FER1L6: variants seen among roughly 807,000 people sequenced by gnomAD.
FER1L6 encodes the protein fer-1 like family member 6.
In FER1L6, 177 loss-of-function variants were observed where a neutral mutation model predicts 219.2. That is an observed-to-expected ratio of 0.81 (90% CI 0.71 to 0.91). The LOEUF (loss-of-function observed/expected upper bound fraction) is 0.91. FER1L6 is among the 40% of genes least tolerant of loss of function. The pLI, the probability that FER1L6 is intolerant of heterozygous loss-of-function variation, is 0.00. For synonymous variants in FER1L6, 768 were observed against 824.3 expected, an observed-to-expected ratio of 0.93 and a Z score of 1.17; for missense variants, 2,153 against 2,259.9, an observed-to-expected ratio of 0.95 and a Z score of 0.96.
intron 1 of FER1L6, among the ~76,000 whole-genome samples, chr8:123,921,276 G>T (rs186422623): frequency 6.6e-6 from 1 of 152,142 alleles, no homozygotes; most frequent in Admixed American, 6.5e-5. Flanking sequence ...GTTTCCTAAA[G>T]TGTCTGTACC....
At chr8:124,017,748 A>G in intron 16 of FER1L6, 30 bp downstream of exon 16, 2 of 1,578,404 alleles carry the variant, frequency 1.3e-6, no homozygotes, top group Non-Finnish European at 1.7e-6. Context: ...TACTTTGTGG[A>G]CAGAGTTAAA....
In FER1L6 at chr8:124,023,452, C is replaced by T. The variant is rs1818553436; in HGVS notation, c.2142C>T (p.His714=). 5 of 1,614,000 alleles carry T rather than the reference C, an allele frequency of 3.1e-6. No homozygotes were observed. Among genetic ancestry groups the T allele is most frequent in the African/African-American group, 1.3e-5 (1 of 75,032 alleles). Residue 714 remains histidine (H), a synonymous_variant, in exon 18 of 41, where the codon CAC becomes CAT. Coordinates refer to ENST00000522917, the MANE Select transcript of FER1L6 (RefSeq NM_001039112.2). ...TCCCTCTATTCCCACAGCCCCAGCA[C>T]ACTATCCCTGACGTTTTCATCTGGA... ...KIRFLVDEPQ[H]TIPDVFIWML...
chr8:123,930,426 C>A (rs1172222055), intron 1 of FER1L6, among the ~76,000 whole-genome samples: 2 of 152,038 alleles, frequency 1.3e-5, no homozygotes, highest in Admixed American at 6.6e-5. Context: ...AATGAATTAA[C>A]AGTGCCATAA....
At position 124,060,202 on chromosome 8, in the gene FER1L6, G is replaced by T; in HGVS notation, c.2897G>T (p.Gly966Val). The change falls in exon 23 of 41, where the codon GGC (glycine) becomes GTC (valine). Residue 966 changes from glycine to valine, a missense_variant. By Grantham distance (109) the Gly-to-Val change is moderately radical. Coordinates refer to ENST00000522917, the MANE Select transcript of FER1L6 (RefSeq NM_001039112.2). ...LLQVPPSGLQ[G>V]LPPVEPPDIT... ...TAGGTTCCTCCTTCTGGGCTGCAAG[G>T]CCTCCCACCCGTTGAGCCACCAGAC... The T allele has an allele frequency of 6.2e-7, 1 of 1,614,038 alleles. No homozygotes were observed. Among genetic ancestry groups the T allele is most frequent in the African/African-American group, 1.3e-5 (1 of 74,978 alleles).
At chr8:123,910,458 AC>A (rs1346345284) in intron 1 of FER1L6, among the ~76,000 whole-genome samples, 1 of 152,132 alleles carries the variant, frequency 6.6e-6, no homozygotes, top group Non-Finnish European at 1.5e-5. Context: ...TGGGTCAAGA[AC>A]CATCTTTCAG....
chr8:124,034,612 A>G (rs1485630753), intron 18 of FER1L6, among the ~76,000 whole-genome samples: 1 of 152,242 alleles, frequency 6.6e-6, no homozygotes, highest in Non-Finnish European at 1.5e-5. Context: ...GAGAGAGCAG[A>G]GCAGTAAGGG....
intron 2 of FER1L6, among the ~76,000 whole-genome samples, chr8:123,957,705 A>G (rs1268638876): frequency 6.6e-6 from 1 of 152,138 alleles, no homozygotes; most frequent in Non-Finnish European, 1.5e-5. Flanking sequence ...CCTCCAGTTA[A>G]CAGCCCTCCC....
intron 22 of FER1L6, among the ~76,000 whole-genome samples, chr8:124,053,024 G>T (rs910808003): frequency 9.2e-5 from 14 of 152,190 alleles, no homozygotes; most frequent in Non-Finnish European, 1.8e-4. Context: ...TTGGGAAAAT[G>T]AGATCTAGTC....
At chr8:124,083,359 T>C (rs1821653829) in intron 33 of FER1L6, among the ~76,000 whole-genome samples, 1 of 152,170 alleles carries the variant, frequency 6.6e-6, no homozygotes, top group South Asian at 2.1e-4. Context: ...GGTTTATTTT[T>C]CTTAACCTAA....
At position 123,970,018 on chromosome 8, in the gene FER1L6, A is replaced by T; in HGVS notation, c.385-17A>T. 6.2e-7 allele frequency: 1 copy of T among 1,612,858 alleles called. No homozygotes were observed. Among genetic ancestry groups the T allele is most frequent in the African/African-American group, 1.3e-5 (1 of 75,040 alleles). ...AAGTCTGGGGTTGATGACCAGAATGAACTTTTTGTTTTGCAGTACTTTGTC... is the reference window on the plus strand; with the variant it reads ...AAGTCTGGGGTTGATGACCAGAATGTACTTTTTGTTTTGCAGTACTTTGTC... On this transcript the variant is annotated splice_polypyrimidine_tract_variant and intron_variant, in intron 5 of 40. Coordinates refer to ENST00000522917, the MANE Select transcript of FER1L6 (RefSeq NM_001039112.2).
intron 17 of FER1L6, 152 bp from the exon 18 acceptor site, chr8:124,023,292 A>T: frequency 1.4e-6 from 1 of 728,128 alleles, no homozygotes; most frequent in Non-Finnish European, 2.2e-6. Flanking sequence ...TTGATGGCAT[A>T]GATGTTTCAG....
intron 1 of FER1L6, among the ~76,000 whole-genome samples, chr8:123,858,795 A>T (rs990709676): frequency 1.3e-5 from 2 of 152,174 alleles, no homozygotes; most frequent in Non-Finnish European, 2.9e-5. Flanking sequence ...ATCAACCTTC[A>T]GAGTTTAGGA....
intron 1 of FER1L6, among the ~76,000 whole-genome samples, chr8:123,890,327 C>G (rs79700597): frequency 0.027 from 4,160 of 152,112 alleles, 190 homozygotes; most frequent in African/African-American, 0.095. Flanking sequence ...CTCTGGGTAA[C>G]ACTTTAGCCT....
intron 3 of FER1L6, 111 bp from the exon 4 acceptor site, chr8:123,965,896 A>G: frequency 1.0e-6 from 1 of 973,686 alleles, no homozygotes; most frequent in East Asian, 2.6e-5. Context: ...ATGTAGACAG[A>G]ATATGTAATA....
chr8:124,021,183 G>T (rs1183592956), intron 16 of FER1L6, among the ~76,000 whole-genome samples: 1 of 152,096 alleles, frequency 6.6e-6, no homozygotes, highest in Non-Finnish European at 1.5e-5. Context: ...CCTCCCACTG[G>T]GTCCCTCCTA....
chr8:124,087,780 A>G (rs1441684647), intron 33 of FER1L6, among the ~76,000 whole-genome samples: 1 of 152,214 alleles, frequency 6.6e-6, no homozygotes, highest in East Asian at 1.9e-4. Context: ...TGGTCACTGC[A>G]GCCATATCTG....
intron 22 of FER1L6, among the ~76,000 whole-genome samples, chr8:124,059,165 G>C (rs1820442166): frequency 6.6e-6 from 1 of 152,196 alleles, no homozygotes; most frequent in African/African-American, 2.4e-5. Context: ...CCTGTAAATT[G>C]TTCAGGCAGA....
rs1816521401 is a variant in FER1L6, at chr8:123,852,187, T to C, written c.-8+2T>C. ...TCGTGAAGGTGGACAAGGCATTTTGTAAGTCCATAGATAATAGATTCTACA... is the reference window on the plus strand; with the variant it reads ...TCGTGAAGGTGGACAAGGCATTTTGCAAGTCCATAGATAATAGATTCTACA... On this transcript the variant is annotated splice_donor_variant, in intron 1 of 40. Coordinates refer to ENST00000522917, the MANE Select transcript of FER1L6 (RefSeq NM_001039112.2). LOFTEE classifies it low-confidence loss of function (5UTR_SPLICE). This position sits in a 1 kb window ranked among gnomAD's most constrained non-coding sequence, Gnocchi z 4.9. 6.6e-6 allele frequency: 1 copy of C among 152,202 alleles called. No homozygotes were observed. The highest frequency in any genetic ancestry group is 1.5e-5 in the Non-Finnish European group (1 of 68,060). 9.4% of individuals were successfully genotyped at this position (152,202 alleles called of 1,614,324 possible).
intron 16 of FER1L6, among the ~76,000 whole-genome samples, chr8:124,019,047 G>A (rs1818333574): frequency 6.6e-6 from 1 of 152,060 alleles, no homozygotes; most frequent in South Asian, 2.1e-4. Context: ...CAACCAGCAT[G>A]GTCTTTCTAA....
Sources: gnomAD v4.1 joint callset for allele counts (sites outside exome capture counted in the v4.1 genomes callset) on GRCh38, gnomAD v4.1.1 for gene constraint, Gnocchi (gnomAD v3.1) non-coding constraint, MANE v1.5 for transcripts, NCBI Gene and HGNC (gene_info 2026-07-23, HGNC 2026-07-21) for gene names.